XYLT1: variants seen among roughly 807,000 people sequenced by gnomAD.
XYLT1 encodes xylosyltransferase 1, also known as beta-D-xylosyltransferase 1.
Under a neutral mutation model 91.3 loss-of-function variants are expected in XYLT1, and 36 were observed. That is an observed-to-expected ratio of 0.39 (90% CI 0.30 to 0.52). The LOEUF is 0.52. XYLT1 is among the 20% of genes least tolerant of loss of function. XYLT1 has a pLI of 0.68. For synonymous variants in XYLT1, 588 were observed against 532.0 expected (o/e 1.11, Z -1.45); for missense variants, 1,242 against 1,284.5 (o/e 0.97, Z 0.51).
chr16:17,238,793 C>T (rs564413425), intron 3 of XYLT1, among the ~76,000 whole-genome samples: 15 of 152,354 alleles, frequency 9.8e-5, no homozygotes, highest in African/African-American at 2.6e-4. Context: ...TCAGTTTCAA[C>T]GGCACCAGTG....
At chr16:17,169,813 T>G (rs1292710997) in intron 5 of XYLT1, among the ~76,000 whole-genome samples, 1 of 152,234 alleles carries the variant, frequency 6.6e-6, no homozygotes, top group Non-Finnish European at 1.5e-5. Context: ...AAATTCTGCA[T>G]TCCCATACAA....
At chr16:17,139,650 G>T (rs538473202) in intron 7 of XYLT1, among the ~76,000 whole-genome samples, 19 of 152,268 alleles carry the variant, frequency 1.2e-4, no homozygotes, top group Non-Finnish European at 1.5e-4. Context: ...GCCCAGGGAG[G>T]CATACATTCT....
intron 1 of XYLT1, among the ~76,000 whole-genome samples, chr16:17,462,443 C>T (rs1388842405): frequency 6.6e-6 from 1 of 152,168 alleles, no homozygotes; most frequent in African/African-American, 2.4e-5. Flanking sequence ...CTCTGGCTTC[C>T]AATCGGGAAG....
At chr16:17,140,137 G>A (rs145781701) in intron 7 of XYLT1, among the ~76,000 whole-genome samples, 78 of 152,268 alleles carry the variant, frequency 5.1e-4, no homozygotes, top group African/African-American at 1.8e-3. Flanking sequence ...AGCTCTGACC[G>A]GCAGGCAGCT....
In XYLT1 at chr16:17,312,448, A is replaced by T. The variant is rs1480985898; in HGVS notation, c.402+45564T>A. Among the ~76,000 whole-genome samples, 1 of 152,126 alleles carries T rather than the reference A, an allele frequency of 6.6e-6. No individual in the cohort carries two copies. The highest frequency in any genetic ancestry group is 1.5e-5 in the Non-Finnish European group (1 of 68,010). On this transcript the variant is annotated intron_variant, in intron 2 of 11. Transcript: ENST00000261381. This position sits in a 1 kb window ranked among gnomAD's most constrained non-coding sequence, Gnocchi z 4.4. Reference sequence around the variant, plus strand: ...TTGTCTCAGGGCCTTACCCGCATTAACATGTTTTTCTTTCTAACTTAAAAA... The same window carrying T: ...TTGTCTCAGGGCCTTACCCGCATTATCATGTTTTTCTTTCTAACTTAAAAA...
chr16:17,138,465 T>G lies in XYLT1; in HGVS notation c.1654A>C (p.Ile552Leu), dbSNP rs1160211144. 3.7e-6 allele frequency: 6 copies of G among 1,614,164 alleles called. No homozygotes were observed. Among genetic ancestry groups the G allele is most frequent in the Non-Finnish European group, 4.2e-6 (5 of 1,180,020 alleles). Residue 552 changes from isoleucine (I) to leucine (L), a missense_variant, in exon 8 of 12, where the codon ATC (isoleucine) becomes CTC (leucine). Transcript: ENST00000261381. ...CDTMVDNNLR[I>L]TNWNRKLGCK... The stretch of plus-strand genomic sequence containing the variant: ...CCCAGCTTGCGATTCCAGTTGGTGA[T>G]GCGCAGGTTGTTGTCCACCATGGTG...
intron 3 of XYLT1, among the ~76,000 whole-genome samples, chr16:17,209,613 T>C (rs2032721662): frequency 6.6e-6 from 1 of 152,186 alleles, no homozygotes; most frequent in East Asian, 1.9e-4. Flanking sequence ...ACAGAAGGGG[T>C]TAGCCTGGGT....
At chr16:17,392,825 A>G (rs1164806041) in intron 1 of XYLT1, among the ~76,000 whole-genome samples, 1 of 152,176 alleles carries the variant, frequency 6.6e-6, no homozygotes, top group Admixed American at 6.5e-5. Flanking sequence ...CCACCCTAAG[A>G]CAAATGTATA....
chr16:17,249,956 G>C (rs918318118), intron 3 of XYLT1: 1 of 152,238 alleles, frequency 6.6e-6, no homozygotes, highest in South Asian at 2.1e-4. Flanking sequence ...GATCACAGGC[G>C]TGAGCCACCA....
At chr16:17,229,440 C>G (rs930637848) in intron 3 of XYLT1, among the ~76,000 whole-genome samples, 1 of 152,152 alleles carries the variant, frequency 6.6e-6, no homozygotes, top group Non-Finnish European at 1.5e-5. Context: ...TATCAGACCA[C>G]GAGGAAACTA....
chr16:17,378,703 T>C (rs892286091), intron 1 of XYLT1, among the ~76,000 whole-genome samples: 1 of 152,148 alleles, frequency 6.6e-6, no homozygotes, highest in Admixed American at 6.5e-5. Flanking sequence ...GTAAGGCAAA[T>C]TACGACCAGT....
At chr16:17,335,726 A>G (rs941557135) in intron 2 of XYLT1, among the ~76,000 whole-genome samples, 1 of 152,052 alleles carries the variant, frequency 6.6e-6, no homozygotes, top group African/African-American at 2.4e-5. Context: ...TCATTGAGTA[A>G]CTTTTCCATT....
At chr16:17,255,003 T>TC (rs990399531) in intron 3 of XYLT1, among the ~76,000 whole-genome samples, 7 of 146,574 alleles carry the variant, frequency 4.8e-5, no homozygotes, top group African/African-American at 1.8e-4. Context: ...TTTCTTTTTT[T>TC]TTTTTTTTTT....
chr16:17,252,597 C>T (rs1170088185), intron 3 of XYLT1, among the ~76,000 whole-genome samples: 5 of 152,174 alleles, frequency 3.3e-5, no homozygotes, highest in Non-Finnish European at 5.9e-5. Flanking sequence ...GGAGCTGGGG[C>T]TTCCTTCTAA....
chr16:17,389,003 C>T (rs940219044), intron 1 of XYLT1, among the ~76,000 whole-genome samples: 6 of 152,208 alleles, frequency 3.9e-5, no homozygotes, highest in African/African-American at 1.4e-4. Flanking sequence ...GGGTCTGGGT[C>T]TAGCCCTGTC....
chr16:17,238,869 T>C lies in XYLT1; in HGVS notation c.913+20119A>G, dbSNP rs56691764. Among the ~76,000 whole-genome samples, 979 of 152,322 alleles carry C rather than the reference T, an allele frequency of 6.4e-3. 8 individuals carry two copies. Among genetic ancestry groups the C allele is most frequent in the African/African-American group, 0.022 (926 of 41,566 alleles). ...AACTTTTCCAAATAAGTCGAGGAGT[T>C]TACGTGATCTCACAATGGGGTGAGA... On this transcript the variant is annotated intron_variant, in intron 3 of 11. Transcript: ENST00000261381.
chr16:17,465,004 C>G (rs961754400), intron 1 of XYLT1, among the ~76,000 whole-genome samples: 2 of 151,394 alleles, frequency 1.3e-5, no homozygotes, highest in African/African-American at 2.4e-5. Context: ...ATTAGCCAGG[C>G]GTGGTGGTGC....
chr16:17,336,048 CTT>C (rs2034975150), intron 2 of XYLT1, among the ~76,000 whole-genome samples: 1 of 152,114 alleles, frequency 6.6e-6, no homozygotes, highest in Admixed American at 6.6e-5. Flanking sequence ...GCTGGCAAGA[CTT>C]TGTAAAGGAA....
chr16:17,350,123 C>T (rs1252216397), intron 2 of XYLT1, among the ~76,000 whole-genome samples: 1 of 152,158 alleles, frequency 6.6e-6, no homozygotes, highest in African/African-American at 2.4e-5. Context: ...ATCCGCCTGC[C>T]TCGGCCTCCC....
Sources: allele counts gnomAD v4.1 joint callset (sites outside exome capture counted in the v4.1 genomes callset), GRCh38; gene constraint gnomAD v4.1.1; non-coding constraint Gnocchi (gnomAD v3.1); transcripts MANE v1.5; gene names NCBI Gene and HGNC (gene_info 2026-07-23, HGNC 2026-07-21).